The following COL28A1 variants were observed in gnomAD, a reference collection of about 807,000 sequenced individuals.
COL28A1 encodes collagen alpha-1(XXVIII) chain.
Under a neutral mutation model 150.2 loss-of-function variants are expected in COL28A1, and 161 were observed. That is an observed-to-expected ratio of 1.07 (90% confidence interval 0.94 to 1.22). The LOEUF (loss-of-function observed/expected upper bound fraction) is 1.22. Among genes scored for constraint, COL28A1 ranks in the 50% most tolerant of loss-of-function variants. The probability of loss-of-function intolerance (pLI) is 0.00; values close to 1 mark genes in which losing one functional copy is unlikely to be tolerated. For synonymous variants in COL28A1, 552 were observed against 469.7 expected, an observed-to-expected ratio of 1.18 and a Z score of -2.26; for missense variants, 1,617 against 1,388.3, an observed-to-expected ratio of 1.16 and a Z score of -2.62.
At chr7:7,493,547 C>T (rs964479229) in intron 11 of COL28A1, among the ~76,000 whole-genome samples, 1 of 152,058 alleles carries the variant, frequency 6.6e-6, no homozygotes, top group Non-Finnish European at 1.5e-5. Context: ...CTGAACACAG[C>T]CCCTTAGCAA....
intron 27 of COL28A1, among the ~76,000 whole-genome samples, chr7:7,382,740 T>A (rs552928383): frequency 6.6e-6 from 1 of 152,180 alleles, no homozygotes; most frequent in Non-Finnish European, 1.5e-5. Flanking sequence ...ACCAAGATCA[T>A]TGGCATGCTT....
chr7:7,483,127 GGT>G (rs1779438797), intron 13 of COL28A1, among the ~76,000 whole-genome samples: 7 of 152,128 alleles, frequency 4.6e-5, no homozygotes, highest in Admixed American at 4.6e-4. Context: ...GTAACCCCAT[GGT>G]AAGTCAAGTA....
intron 14 of COL28A1, 54 bp downstream of exon 14, chr7:7,477,058 A>G (rs1423636976): frequency 2.3e-6 from 2 of 852,610 alleles, no homozygotes; most frequent in African/African-American, 1.7e-5. Context: ...AAAATTTGTA[A>G]TTCACGAGCA....
At chr7:7,543,205 T>C in the COL28A1 span, among the ~76,000 whole-genome samples, 1 of 152,210 alleles carries the variant, frequency 6.6e-6, no homozygotes, top group Non-Finnish European at 1.5e-5. Context: ...ATGGTTGTAA[T>C]TGATGAATGA....
intron 23 of COL28A1, 115 bp from the exon 24 acceptor site, chr7:7,432,815 G>C: frequency 1.3e-6 from 1 of 753,704 alleles, no homozygotes; most frequent in East Asian, 2.6e-5. Flanking sequence ...CCGGGAGTTA[G>C]AAAATGACTT....
intron 18 of COL28A1, among the ~76,000 whole-genome samples, chr7:7,449,195 T>TA (rs927485636): frequency 6.8e-4 from 104 of 152,180 alleles, no homozygotes; most frequent in African/African-American, 2.4e-3. Context: ...ATGATCATCA[T>TA]AAAAAAGTAC....
intron 30 of COL28A1, among the ~76,000 whole-genome samples, chr7:7,377,275 G>A (rs764255712): frequency 8.5e-5 from 13 of 152,120 alleles, no homozygotes; most frequent in African/African-American, 1.2e-4. Context: ...TTAAGTGACT[G>A]GAAGAGTTCA....
intron 27 of COL28A1, chr7:7,417,640 T>C: frequency 1.8e-6 from 1 of 546,414 alleles, no homozygotes; most frequent in Non-Finnish European, 3.2e-6. Context: ...AGTTCACTTT[T>C]GCACCAAGCA....
Position 7,432,353 on chromosome 7 carries a change from T to C in COL28A1, c.1998+120A>G. ...AGTCTATAGATAAGGGCAAATAACT[T>C]TATCAATTATTTCAGACACCTCTAC... On this transcript the variant is annotated intron_variant, in intron 25 of 34. Transcript: ENST00000399429. 8.4e-6 allele frequency: 6 copies of C among 716,156 alleles called. No homozygotes were observed. The South Asian group carries it at 1.1e-4, about 13-fold the overall frequency. 44.4% of individuals were successfully genotyped at this position (716,156 alleles called of 1,614,324 possible).
chr7:7,530,234 T>C (rs1052900752), intron 3 of COL28A1, among the ~76,000 whole-genome samples: 1 of 152,134 alleles, frequency 6.6e-6, no homozygotes, highest in African/African-American at 2.4e-5. Flanking sequence ...TGGCAAACAT[T>C]GAATAAAATA....
intron 27 of COL28A1, among the ~76,000 whole-genome samples, chr7:7,415,333 C>T (rs993615296): frequency 5.9e-5 from 9 of 152,202 alleles, no homozygotes; most frequent in Non-Finnish European, 1.3e-4. Flanking sequence ...GTTCCTATAT[C>T]CTTGAAATGA....
At chr7:7,436,308 C>G in intron 23 of COL28A1, 87 bp downstream of exon 23, 2 of 823,482 alleles carry the variant, frequency 2.4e-6, no homozygotes, top group East Asian at 4.9e-5. Flanking sequence ...GTAGAAACCT[C>G]ACAAGTAGAA....
intron 18 of COL28A1, among the ~76,000 whole-genome samples, chr7:7,447,922 G>T (rs941192350): frequency 4.6e-5 from 7 of 152,028 alleles, no homozygotes; most frequent in Non-Finnish European, 1.0e-4. Flanking sequence ...ACAAAAATTA[G>T]CCAGGAGTGG....
In COL28A1 at chr7:7,358,515, C is replaced by T. The variant is rs1780449708; in HGVS notation, c.*118G>A. ...TAGGGCTGTAGTGAGAATTCAATTACATGTATAAGTTGTAAATACTCAGTA... is the reference window on the plus strand; with the variant it reads ...TAGGGCTGTAGTGAGAATTCAATTATATGTATAAGTTGTAAATACTCAGTA... On this transcript the variant is annotated 3_prime_UTR_variant, in exon 35 of 35. Transcript: ENST00000399429. 1 of 903,524 alleles carries T rather than the reference C, an allele frequency of 1.1e-6. No individual in the cohort carries two copies. Among genetic ancestry groups the T allele is most frequent in the African/African-American group, 1.7e-5 (1 of 59,508 alleles). The allele number at this position is 903,524 out of a possible 1,614,324, so 56.0% of individuals were successfully genotyped here.
chr7:7,523,708 C>A lies in COL28A1; in HGVS notation c.702+521G>T, dbSNP rs765913098. ...GATGATTATCTATTGTGCTAAGGCTCGTCCAATCTTATTGGCCAGTTTCCT... is the reference window on the plus strand; with the variant it reads ...GATGATTATCTATTGTGCTAAGGCTAGTCCAATCTTATTGGCCAGTTTCCT... On this transcript the variant is annotated intron_variant, in intron 4 of 34. Coordinates refer to ENST00000399429, the MANE Select transcript of COL28A1 (RefSeq NM_001037763.3). Among the ~76,000 whole-genome samples, 4 of 152,274 alleles carry A rather than the reference C, an allele frequency of 2.6e-5. No individual in the cohort carries two copies. The South Asian group carries it at 6.2e-4, about 24-fold the overall frequency.
At chr7:7,451,124 G>C (rs1246783711) in intron 18 of COL28A1, among the ~76,000 whole-genome samples, 1 of 152,096 alleles carries the variant, frequency 6.6e-6, no homozygotes, top group Admixed American at 6.5e-5. Flanking sequence ...CTTTTAAAAA[G>C]TCTAGAGTCA....
intron 23 of COL28A1, 51 bp from the exon 24 acceptor site, chr7:7,432,751 C>A: frequency 7.0e-7 from 1 of 1,424,470 alleles, no homozygotes; most frequent in Non-Finnish European, 9.9e-7. Flanking sequence ...TAGAAAACAC[C>A]TGGTCAAACT....
rs766793956 is a variant in COL28A1, at chr7:7,373,326, G to A, written c.2580C>T (p.Asp860=). The stretch of plus-strand genomic sequence containing the variant: ...GCATGTTGTCCACAGCCAACTTGAA[G>A]TCATCCTTGCTGGAGAACTGCTTCA... ...ANLKQFSSKD[D]FKLAVDNMQY... Residue 860 remains aspartate, a synonymous_variant, in exon 32 of 35, where the codon GAC becomes GAT. Transcript: ENST00000399429. The surrounding 1 kb of genome is among the most constrained non-coding windows in gnomAD (Gnocchi z 4.1). The A allele has an allele frequency of 3.7e-6, 6 of 1,614,162 alleles. No individual in the cohort carries two copies. The South Asian group carries it at 6.6e-5, about 18-fold the overall frequency.
intron 1 of COL28A1, among the ~76,000 whole-genome samples, chr7:7,533,136 G>T (rs1023557327): frequency 4.6e-4 from 70 of 152,152 alleles, no homozygotes; most frequent in African/African-American, 1.6e-3. Context: ...TATATTCAAA[G>T]AACTATATTT....
Sources: allele counts gnomAD v4.1 joint callset (sites outside exome capture counted in the v4.1 genomes callset), GRCh38; gene constraint gnomAD v4.1.1; non-coding constraint Gnocchi (gnomAD v3.1); transcripts MANE v1.5; gene names NCBI Gene and HGNC (gene_info 2026-07-23, HGNC 2026-07-21).